AGBL4: variants seen among roughly 807,000 people sequenced by gnomAD.
The protein encoded by AGBL4 is AGBL carboxypeptidase 4.
Under a neutral mutation model 66.4 loss-of-function variants are expected in AGBL4, and 58 were observed. The ratio of observed to expected loss-of-function variants is 0.87; its 90% CI spans 0.71 to 1.09. The LOEUF is 1.09. Among genes scored for constraint, AGBL4 ranks in the 50% least tolerant of loss-of-function variants. The pLI is 0.00. For synonymous variants in AGBL4, 234 were observed against 222.9 expected (o/e 1.05, Z -0.44); for missense variants, 579 against 631.0 (o/e 0.92, Z 0.88).
At chr1:48,915,751 T>C (rs909115879) in intron 5 of AGBL4, among the ~76,000 whole-genome samples, 4 of 152,148 alleles carry the variant, frequency 2.6e-5, no homozygotes, top group Non-Finnish European at 2.9e-5. Flanking sequence ...TGTGAACTGC[T>C]GTACTAAAGG....
intron 3 of AGBL4, among the ~76,000 whole-genome samples, chr1:49,361,893 C>T (rs1644144181): frequency 6.6e-6 from 1 of 152,100 alleles, no homozygotes; most frequent in Non-Finnish European, 1.5e-5. Flanking sequence ...GAGCCCGATT[C>T]CCATATTCAA....
At chr1:49,783,345 T>G (rs1047170682) in intron 2 of AGBL4, among the ~76,000 whole-genome samples, 4 of 152,182 alleles carry the variant, frequency 2.6e-5, no homozygotes, top group African/African-American at 9.7e-5. Context: ...CAAATTGAAT[T>G]TATTCCAGGC....
At chr1:48,911,770 T>C (rs2148881841) in intron 5 of AGBL4, among the ~76,000 whole-genome samples, 1 of 152,326 alleles carries the variant, frequency 6.6e-6, no homozygotes, top group East Asian at 1.9e-4. Flanking sequence ...TTATAGTTCA[T>C]ATTATTAGCA....
intron 6 of AGBL4, among the ~76,000 whole-genome samples, chr1:48,676,671 T>C (rs1010481934): frequency 6.6e-6 from 1 of 152,206 alleles, no homozygotes; most frequent in African/African-American, 2.4e-5. Context: ...TGGTGAACCA[T>C]CCTGCAGAAA....
chr1:49,579,456 T>A (rs1364038939), intron 3 of AGBL4, among the ~76,000 whole-genome samples: 2 of 152,194 alleles, frequency 1.3e-5, no homozygotes, highest in Non-Finnish European at 2.9e-5. Context: ...TCTTGCAGAA[T>A]GTCCCATGTG....
chr1:48,594,997 C>T (rs562256205), intron 9 of AGBL4, among the ~76,000 whole-genome samples: 5 of 152,116 alleles, frequency 3.3e-5, no homozygotes, highest in Admixed American at 6.5e-5. Flanking sequence ...TCACCTGCTC[C>T]GCATCAGACT....
intron 3 of AGBL4, among the ~76,000 whole-genome samples, chr1:49,634,548 G>C (rs1393069610): frequency 6.6e-6 from 1 of 152,178 alleles, no homozygotes; most frequent in Non-Finnish European, 1.5e-5. Flanking sequence ...CTTTATGGTA[G>C]AATGATTTAT....
chr1:49,789,632 G>T (rs1013506143), intron 2 of AGBL4, among the ~76,000 whole-genome samples: 1 of 152,158 alleles, frequency 6.6e-6, no homozygotes, highest in Non-Finnish European at 1.5e-5. Flanking sequence ...TACAAGGGAT[G>T]TGAAGGACCT....
intron 3 of AGBL4, among the ~76,000 whole-genome samples, chr1:49,461,902 C>T (rs1646521471): frequency 1.3e-5 from 2 of 151,718 alleles, no homozygotes; most frequent in South Asian, 2.1e-4. Flanking sequence ...CAAGACTTTG[C>T]TATTGTGAAC....
intron 5 of AGBL4, among the ~76,000 whole-genome samples, chr1:49,007,706 G>A (rs1391148769): frequency 2.0e-5 from 3 of 151,392 alleles, no homozygotes; most frequent in Non-Finnish European, 4.4e-5. Context: ...AGCCAGAAGA[G>A]AGTGGGGGCC....
chr1:49,637,388 C>T (rs188871132), intron 3 of AGBL4, among the ~76,000 whole-genome samples: 349 of 152,072 alleles, frequency 2.3e-3, no homozygotes, highest in African/African-American at 8.0e-3. Context: ...GCAACCTCCA[C>T]CTCCCAGGTT....
intron 4 of AGBL4, among the ~76,000 whole-genome samples, chr1:49,075,132 C>A (rs1557619642): frequency 6.6e-6 from 1 of 152,078 alleles, no homozygotes; most frequent in Non-Finnish European, 1.5e-5. Context: ...GTTTTTTGAA[C>A]ATTTGTGTAT....
At chr1:49,653,556 G>T (rs78031937) in intron 3 of AGBL4, among the ~76,000 whole-genome samples, 3 of 151,822 alleles carry the variant, frequency 2.0e-5, no homozygotes, top group African/African-American at 7.3e-5. Context: ...TCATTGCAAA[G>T]AAATGAAGAA....
At chr1:48,684,078 G>T (rs552688183) in intron 6 of AGBL4, among the ~76,000 whole-genome samples, 174 of 152,314 alleles carry the variant, frequency 1.1e-3, no homozygotes, top group African/African-American at 4.1e-3. Flanking sequence ...AGAGACCCAG[G>T]CTTCACATCC....
chr1:49,125,657 A>T (rs867970590), intron 4 of AGBL4, among the ~76,000 whole-genome samples: 3 of 152,208 alleles, frequency 2.0e-5, no homozygotes, highest in African/African-American at 7.2e-5. Flanking sequence ...TACATTATAG[A>T]TTACAAAACA....
intron 9 of AGBL4, among the ~76,000 whole-genome samples, chr1:48,632,290 A>G (rs1645605945): frequency 6.6e-6 from 1 of 152,210 alleles, no homozygotes; most frequent in South Asian, 2.1e-4. Context: ...AGATCTAACC[A>G]GCTGATGATC....
At chr1:48,993,069 A>G (rs535925715) in intron 5 of AGBL4, among the ~76,000 whole-genome samples, 1 of 152,098 alleles carries the variant, frequency 6.6e-6, no homozygotes, top group East Asian at 1.9e-4. Flanking sequence ...CCCCATAGCC[A>G]CCATAGATGG....
intron 3 of AGBL4, among the ~76,000 whole-genome samples, chr1:49,308,490 C>G (rs1002138082): frequency 6.6e-6 from 1 of 151,706 alleles, no homozygotes; most frequent in Non-Finnish European, 1.5e-5. Context: ...ATTCAGTTCT[C>G]TAATGTTAAC....
chr1:49,735,296 GGTGTGT>G (rs34172664), intron 2 of AGBL4, among the ~76,000 whole-genome samples: 4,278 of 127,326 alleles, frequency 0.034, 97 homozygotes, highest in African/African-American at 0.079. Flanking sequence ...GAGGTGTGTG[GGTGTGT>G]GTGTGTGTGT....
Sources: allele counts gnomAD v4.1 joint callset (sites outside exome capture counted in the v4.1 genomes callset), GRCh38; gene constraint gnomAD v4.1.1; transcripts MANE v1.5; gene names NCBI Gene and HGNC (gene_info 2026-07-23, HGNC 2026-07-21).